Variants in KBTBD2 observed in about 807,000 individuals in gnomAD.
The protein encoded by KBTBD2 is kelch repeat and BTB domain-containing protein 2.
Under a neutral mutation model 57.1 loss-of-function variants are expected in KBTBD2, and 17 were observed. The observed-to-expected ratio is 0.30, with a 90% confidence interval of 0.20 to 0.45. The LOEUF is 0.45. Among genes scored for constraint, KBTBD2 ranks in the 20% least tolerant of loss-of-function variants. The pLI is 1.00. For missense variants in KBTBD2, 515 were observed against 750.6 expected (o/e 0.69, Z 3.67); for synonymous variants, 267 against 262.7 (o/e 1.02, Z -0.16).
intron 1 of KBTBD2, among the ~76,000 whole-genome samples, chr7:32,884,576 G>C (rs1013172899): frequency 3.3e-5 from 5 of 151,596 alleles, no homozygotes; most frequent in Non-Finnish European, 7.4e-5. Context: ...TGTAATCCCT[G>C]CTACTCGGGA....
chr7:32,886,648 T>G (rs35165932), intron 1 of KBTBD2, among the ~76,000 whole-genome samples: 42,447 of 152,146 alleles, frequency 0.28, 6,406 homozygotes, highest in African/African-American at 0.39. Flanking sequence ...TGTGTTTCTA[T>G]GCAACAAATT....
intron 1 of KBTBD2, among the ~76,000 whole-genome samples, chr7:32,883,932 G>A (rs1030917257): frequency 5.9e-5 from 9 of 152,186 alleles, no homozygotes; most frequent in Admixed American, 2.0e-4. Flanking sequence ...AAACTTAAAA[G>A]CCAAGAAGCA....
intron 1 of KBTBD2, among the ~76,000 whole-genome samples, chr7:32,881,812 C>CAA (rs1784450771): frequency 1.3e-5 from 2 of 152,204 alleles, no homozygotes; most frequent in African/African-American, 4.8e-5. Flanking sequence ...CATTCTTACA[C>CAA]AGAGGAGTAA....
Position 32,870,152 on chromosome 7 carries a change from T to G in KBTBD2, c.1065A>C (p.Ala355=). The change falls in exon 4 of 4, where the codon GCA becomes GCC. Residue 355 remains alanine, a synonymous_variant. Transcript: ENST00000304056. The stretch of plus-strand genomic sequence containing the variant: ...TCTTTGGAAACCAGGTATTTTGCTG[T>G]GCATCAAACCAATAAAAGCAATTCA... ...RTVNCFYWFD[A]QQNTWFPKTP... 6.2e-7 allele frequency: 1 copy of G among 1,614,210 alleles called. No individual in the cohort carries two copies. Among genetic ancestry groups the G allele is most frequent in the Non-Finnish European group, 8.5e-7 (1 of 1,180,022 alleles).
At position 32,870,313 on chromosome 7, in the gene KBTBD2, G is replaced by A; in HGVS notation, c.904C>T (p.Pro302Ser). ...AEKVYKLCSPPADLHKVGTVV... is the reference protein window; with the variant it reads ...AEKVYKLCSPSADLHKVGTVV... ...GTCCCAACCTTATGCAAATCAGCTGGTGGGCTACATAACTTGTAAACTTTT... is the reference window on the plus strand; with the variant it reads ...GTCCCAACCTTATGCAAATCAGCTGATGGGCTACATAACTTGTAAACTTTT... The change falls in exon 4 of 4, where the codon CCA becomes TCA. Residue 302 changes from proline (P) to serine (S), a missense_variant. By Grantham distance (74) the Pro-to-Ser change is moderately conservative (BLOSUM62 -1). Coordinates refer to ENST00000304056, the MANE Select transcript of KBTBD2 (RefSeq NM_015483.3). 1 of 1,614,082 alleles carries A rather than the reference G, an allele frequency of 6.2e-7. No homozygotes were observed. Among genetic ancestry groups the A allele is most frequent in the Non-Finnish European group, 8.5e-7 (1 of 1,180,024 alleles).
intron 3 of KBTBD2, among the ~76,000 whole-genome samples, chr7:32,874,141 T>C (rs1202476894): frequency 6.6e-6 from 1 of 152,076 alleles, no homozygotes; most frequent in African/African-American, 2.4e-5. Flanking sequence ...GGCTCATGCC[T>C]GTAATCCCAG....
chr7:32,883,672 G>C (rs1784498064), intron 1 of KBTBD2, among the ~76,000 whole-genome samples: 1 of 152,202 alleles, frequency 6.6e-6, no homozygotes, highest in Non-Finnish European at 1.5e-5. Context: ...GTAGAAGCCA[G>C]CTTCCCCAGA....
chr7:32,876,964 GAACA>G (rs376627342), intron 2 of KBTBD2, among the ~76,000 whole-genome samples: 35 of 152,066 alleles, frequency 2.3e-4, no homozygotes, highest in African/African-American at 8.0e-4. Flanking sequence ...CCTCAAAAAG[GAACA>G]AACAAACAGA....
At chr7:32,891,940 G>T (rs1784769453), upstream of KBTBD2, 2 of 114,318 alleles carry the variant, frequency 1.7e-5, no homozygotes, top group African/African-American at 7.0e-5. Context: ...CGCGGCCCGG[G>T]AACGCGCGCG....
At chr7:32,889,312 C>G (rs1167036312) in intron 1 of KBTBD2, among the ~76,000 whole-genome samples, 2 of 150,024 alleles carry the variant, frequency 1.3e-5, no homozygotes, top group Non-Finnish European at 3.0e-5. Flanking sequence ...AAAAAAATTA[C>G]TTGAGATCGG....
intron 3 of KBTBD2, among the ~76,000 whole-genome samples, chr7:32,871,761 C>T (rs1784184440): frequency 6.6e-6 from 1 of 152,120 alleles, no homozygotes; most frequent in African/African-American, 2.4e-5. Flanking sequence ...CCATCTGGTA[C>T]TGAAACATAT....
intron 2 of KBTBD2, among the ~76,000 whole-genome samples, chr7:32,878,006 T>G (rs1457981206): frequency 2.0e-5 from 3 of 150,460 alleles, no homozygotes; most frequent in African/African-American, 7.4e-5. Context: ...CAGCTACTTG[T>G]GAGGCTGAGG....
rs889305387 is a variant in KBTBD2, at chr7:32,876,713, T to C, written c.171-1556A>G. 8.5e-5 allele frequency among the ~76,000 whole-genome samples: 13 copies of C among 152,130 alleles called. 1 individual carries two copies. The highest frequency in any genetic ancestry group is 1.5e-4 in the Non-Finnish European group (10 of 68,024). On this transcript the variant is annotated intron_variant, in intron 2 of 3. Transcript: ENST00000304056. Reference sequence around the variant, plus strand: ...GCTCACACTTGTAATCCCAGCATTTTGGGAGGCCGAGGTGGGCAGATCATC... The same window carrying C: ...GCTCACACTTGTAATCCCAGCATTTCGGGAGGCCGAGGTGGGCAGATCATC...
chr7:32,875,078 T>A lies in KBTBD2; in HGVS notation c.250A>T (p.Ile84Leu), dbSNP rs756993525. The A allele has an allele frequency of 1.3e-5, 21 of 1,614,090 alleles. No individual in the cohort carries two copies. The highest frequency in any genetic ancestry group is 1.8e-5 in the Non-Finnish European group (21 of 1,180,024). ...LRNVDAATLQIIITYAYTGNL... is the reference protein window; with the variant it reads ...LRNVDAATLQLIITYAYTGNL... The stretch of plus-strand genomic sequence containing the variant: ...CCCGTGTATGCATAAGTTATTATTA[T>A]CTGTAAGGTGGCAGCATCGACATTC... The change falls in exon 3 of 4, where the codon ATA (isoleucine) becomes TTA (leucine). Residue 84 changes from isoleucine (I) to leucine (L), a missense_variant. By Grantham distance (5) the Ile-to-Leu change is conservative. Transcript: ENST00000304056.
chr7:32,874,956 G>C (rs777826915), intron 3 of KBTBD2, 36 bp downstream of exon 3: 1 of 1,588,656 alleles, frequency 6.3e-7, no homozygotes, highest in East Asian at 2.2e-5. Context: ...GGGCAACAGA[G>C]AGAGACTCCG....
intron 1 of KBTBD2, among the ~76,000 whole-genome samples, chr7:32,888,322 TGA>T (rs1457420660): frequency 1.3e-5 from 2 of 151,944 alleles, no homozygotes; most frequent in Admixed American, 1.3e-4. Context: ...AAAAACTAAA[TGA>T]GAGTCCAGAA....
chr7:32,890,813 A>G (rs953311623), intron 1 of KBTBD2, among the ~76,000 whole-genome samples: 10 of 152,212 alleles, frequency 6.6e-5, no homozygotes, highest in African/African-American at 2.4e-4. Context: ...TGAGGCAGGT[A>G]GAGTTCTTAG....
At chr7:32,889,309 T>G (rs1461505959) in intron 1 of KBTBD2, among the ~76,000 whole-genome samples, 1 of 142,924 alleles carries the variant, frequency 7.0e-6, no homozygotes, top group Non-Finnish European at 1.5e-5. Flanking sequence ...AAAAAAAAAA[T>G]TACTTGAGAT....
chr7:32,870,982 ATT>A, intron 3 of KBTBD2, 102 bp from the exon 4 acceptor site: 1 of 665,850 alleles, frequency 1.5e-6, no homozygotes, highest in Non-Finnish European at 2.5e-6. Context: ...CCATAGTGTA[ATT>A]TTTATTTTCA....
Sources: allele counts gnomAD v4.1 joint callset (sites outside exome capture counted in the v4.1 genomes callset), GRCh38; gene constraint gnomAD v4.1.1; transcripts MANE v1.5; gene names NCBI Gene and HGNC (gene_info 2026-07-23, HGNC 2026-07-21).